MYO9B: variants seen among roughly 807,000 people sequenced by gnomAD.
MYO9B encodes the protein unconventional myosin-IXb.
MYO9B carries 71 observed loss-of-function variants against 229.5 expected under a neutral mutation model. The ratio of observed to expected loss-of-function variants is 0.31; its 90% confidence interval spans 0.26 to 0.38. The LOEUF is 0.38. Among genes scored for constraint, MYO9B ranks in the 10% least tolerant of loss-of-function variants. The pLI, the probability that MYO9B is intolerant of heterozygous loss-of-function variation, is 1.00. For synonymous variants in MYO9B, 1,185 were observed against 1,235.8 expected (o/e 0.96, Z 0.86); for missense variants, 2,255 against 2,920.5 (o/e 0.77, Z 5.25).
chr19:17,158,620 C>A (rs1040553949), intron 7 of MYO9B, among the ~76,000 whole-genome samples: 1 of 151,732 alleles, frequency 6.6e-6, no homozygotes, highest in East Asian at 1.9e-4. Context: ...AGAAAGCTGC[C>A]GCTTATTCCC....
At chr19:17,131,621 G>A (rs1344319545) in intron 2 of MYO9B, among the ~76,000 whole-genome samples, 2 of 151,984 alleles carry the variant, frequency 1.3e-5, no homozygotes, top group African/African-American at 4.8e-5. Flanking sequence ...TTTTTAAATT[G>A]CCCAGAAGAA....
Position 17,129,398 on chromosome 19 carries a change from T to TCAACAA in MYO9B, c.841-15980_841-15975dup, listed in dbSNP as rs145485118. Among the ~76,000 whole-genome samples, 887 of 151,818 alleles carry TCAACAA rather than the reference T, an allele frequency of 5.8e-3. 5 individuals are homozygous for TCAACAA. Among genetic ancestry groups the TCAACAA allele is most frequent in the African/African-American group, 0.017 (722 of 41,366 alleles). On this transcript the variant is annotated intron_variant, in intron 2 of 39. Coordinates refer to ENST00000682292, the MANE Select transcript of MYO9B (RefSeq NM_004145.4). ...GCTTGGGCGACAGAGCGAGACAGTT[T>TCAACAA]CAACAACAACAACAACAACAACAAA...
chr19:17,093,238 C>T (rs1399873019), intron 1 of MYO9B, among the ~76,000 whole-genome samples: 1 of 151,366 alleles, frequency 6.6e-6, no homozygotes, highest in East Asian at 1.9e-4. Flanking sequence ...GAGGCTGAGG[C>T]AGGAAAATGG....
At chr19:17,202,915 G>A (rs769868654) in intron 29 of MYO9B, 32 bp downstream of exon 29, 2 of 1,590,526 alleles carry the variant, frequency 1.3e-6, no homozygotes, top group South Asian at 2.3e-5. Flanking sequence ...GAGAGTCCGA[G>A]CAGGCGAACA....
Position 17,102,031 on chromosome 19 carries a change from A to G in MYO9B, c.314A>G (p.Tyr105Cys), listed in dbSNP as rs890906248. 6.2e-7 allele frequency: 1 copy of G among 1,612,370 alleles called. No homozygotes were observed. Among genetic ancestry groups the G allele is most frequent in the Non-Finnish European group, 8.5e-7 (1 of 1,179,892 alleles). Residue 105 changes from tyrosine to cysteine, a missense_variant, in exon 2 of 40, where the codon TAC (tyrosine) becomes TGC (cysteine). By Grantham distance (194) the Tyr-to-Cys change is radical. Coordinates refer to ENST00000682292, the MANE Select transcript of MYO9B (RefSeq NM_004145.4). ...GACGAGCACCCTCAGGAGGATGGCTACTACTTCCTGCTGCAGGAGCGCAAC... is the reference window on the plus strand; with the variant it reads ...GACGAGCACCCTCAGGAGGATGGCTGCTACTTCCTGCTGCAGGAGCGCAAC... ...AQDEHPQEDGYYFLLQERNAD... is the reference protein window; with the variant it reads ...AQDEHPQEDGCYFLLQERNAD...
chr19:17,132,525 A>ATTTTTTT (rs35184435), intron 2 of MYO9B, among the ~76,000 whole-genome samples: 17 of 116,364 alleles, frequency 1.5e-4, no homozygotes, highest in East Asian at 2.5e-4. Flanking sequence ...TATTATTATT[A>ATTTTTTT]TTTTTTTTTT....
intron 37 of MYO9B, 162 bp downstream of exon 37, chr19:17,210,542 G>A (rs1373051266): frequency 5.6e-6 from 7 of 1,239,064 alleles, no homozygotes; most frequent in Non-Finnish European, 7.6e-6. Flanking sequence ...CTGTGCTCAG[G>A]ACGACTAATC....
chr19:17,181,786 T>C (rs2072864450), intron 15 of MYO9B, among the ~76,000 whole-genome samples: 2 of 152,210 alleles, frequency 1.3e-5, no homozygotes, highest in Admixed American at 6.6e-5. Context: ...TCTTTCGTTC[T>C]TTTTTTGAGA....
At chr19:17,143,357 C>G (rs934921075) in intron 2 of MYO9B, among the ~76,000 whole-genome samples, 1 of 152,160 alleles carries the variant, frequency 6.6e-6, no homozygotes, top group Non-Finnish European at 1.5e-5. Context: ...ATCTGGGCTT[C>G]TAAGTGACTT....
At chr19:17,205,486 G>A (rs943659865) in intron 31 of MYO9B, 150 bp downstream of exon 31, 6 of 721,886 alleles carry the variant, frequency 8.3e-6, no homozygotes, top group Non-Finnish European at 1.4e-5. Context: ...ACACACCATT[G>A]TCCCCGGTTC....
intron 2 of MYO9B, among the ~76,000 whole-genome samples, chr19:17,126,666 T>C (rs200311876): frequency 8.1e-4 from 118 of 145,622 alleles, no homozygotes; most frequent in African/African-American, 2.1e-3. Flanking sequence ...CTTTTTTTTT[T>C]CTTTTTTTTT....
chr19:17,105,814 A>T (rs7246553), intron 2 of MYO9B, among the ~76,000 whole-genome samples: 1 of 152,012 alleles, frequency 6.6e-6, no homozygotes, highest in Non-Finnish European at 1.5e-5. Context: ...AATTGGGGTC[A>T]TACAACTTAG....
chr19:17,205,938 A>T, intron 31 of MYO9B, 22 bp from the exon 32 acceptor site: 1 of 1,538,590 alleles, frequency 6.5e-7, no homozygotes, highest in Non-Finnish European at 8.8e-7. Flanking sequence ...CCCAGACCTG[A>T]CCCCCAACCC....
chr19:17,091,930 C>T (rs1212891498), intron 1 of MYO9B, among the ~76,000 whole-genome samples: 1 of 152,168 alleles, frequency 6.6e-6, no homozygotes, highest in African/African-American at 2.4e-5. Flanking sequence ...TTCTGCCCCG[C>T]ACACCAGGGG....
chr19:17,206,138 A>AGGCGCTGCAGACAGGTG lies in MYO9B; in HGVS notation c.5251_5257+10dup. On this transcript the variant is annotated frameshift_variant, in exon 32 of 40. Transcript: ENST00000682292. LOFTEE classifies it high-confidence loss of function. ...GCCAACCGCACTCGGGAGCTCCGGC[A>AGGCGCTGCAGACAGGTG]GGCGCTGCAGACAGGTGGGCGCTGT... is the stretch of plus-strand genomic sequence containing the variant. 3 of 1,606,948 alleles carry AGGCGCTGCAGACAGGTG rather than the reference A, an allele frequency of 1.9e-6. No individual in the cohort carries two copies. Among genetic ancestry groups the AGGCGCTGCAGACAGGTG allele is most frequent in the Non-Finnish European group, 2.6e-6 (3 of 1,175,668 alleles).
intron 22 of MYO9B, among the ~76,000 whole-genome samples, chr19:17,197,058 C>T (rs1418012500): frequency 6.6e-6 from 1 of 151,904 alleles, no homozygotes; most frequent in African/African-American, 2.4e-5. Context: ...GGTGGATCAC[C>T]TGAGGTCAGG....
chr19:17,181,661 CTT>C (rs1202319143), intron 15 of MYO9B, among the ~76,000 whole-genome samples: 4 of 152,244 alleles, frequency 2.6e-5, no homozygotes, highest in Non-Finnish European at 2.9e-5. Flanking sequence ...CACATCTCGC[CTT>C]TTAGTGGCCA....
At chr19:17,181,947 TTG>T (rs963525654) in intron 15 of MYO9B, among the ~76,000 whole-genome samples, 3 of 152,068 alleles carry the variant, frequency 2.0e-5, no homozygotes, top group Non-Finnish European at 2.9e-5. Context: ...AGCTAATTTT[TTG>T]TATTTTTAGT....
At chr19:17,079,679 C>G (rs1600008926) in intron 1 of MYO9B, among the ~76,000 whole-genome samples, 1 of 152,170 alleles carries the variant, frequency 6.6e-6, no homozygotes, top group South Asian at 2.1e-4. Flanking sequence ...GACTTTGCTG[C>G]TTTACCTTGA....
Sources: gnomAD v4.1 joint callset for allele counts (sites outside exome capture counted in the v4.1 genomes callset) on GRCh38, gnomAD v4.1.1 for gene constraint, MANE v1.5 for transcripts, NCBI Gene and HGNC (gene_info 2026-07-23, HGNC 2026-07-21) for gene names.